Variants in GDI2 observed in about 807,000 individuals in gnomAD.
GDI2 encodes the protein rab GDP dissociation inhibitor beta.
In GDI2, 22 loss-of-function variants were observed where a neutral mutation model predicts 54.2. That is an observed-to-expected ratio of 0.41 (90% CI 0.29 to 0.58). The LOEUF (loss-of-function observed/expected upper bound fraction) is 0.58. GDI2 is among the 20% of genes least tolerant of loss of function. The pLI, the probability that GDI2 is intolerant of heterozygous loss-of-function variation, is 0.35. For synonymous variants in GDI2, 177 were observed against 182.1 expected, an observed-to-expected ratio of 0.97 and a Z score of 0.23; for missense variants, 422 against 546.0, an observed-to-expected ratio of 0.77 and a Z score of 2.26.
Position 5,774,838 on chromosome 10 carries a change from G to A in GDI2, c.720-897C>T, listed in dbSNP as rs531767996. Among the ~76,000 whole-genome samples the A allele has an allele frequency of 1.2e-4, 19 of 152,250 alleles. 1 individual carries two copies. In the South Asian group the frequency reaches 3.7e-3, roughly 30 times the overall value. On this transcript the variant is annotated intron_variant, in intron 6 of 10. Transcript: ENST00000380191. This position sits in a 1 kb window ranked among gnomAD's most constrained non-coding sequence, Gnocchi z 4.8. ...TCTAAAATGGCCTTGTGCAGTCGCG[G>A]GACTATCCACATCAGAGGCAAATCT...
At chr10:5,812,541 A>G (rs1288130731) in intron 1 of GDI2, among the ~76,000 whole-genome samples, 1 of 152,186 alleles carries the variant, frequency 6.6e-6, no homozygotes, top group African/African-American at 2.4e-5. Context: ...TTTGACGGAC[A>G]AGTTTTGAAA....
chr10:5,804,293 C>A (rs553933637), intron 1 of GDI2, among the ~76,000 whole-genome samples: 1 of 152,034 alleles, frequency 6.6e-6, no homozygotes, highest in Admixed American at 6.6e-5. Context: ...GGGGTTTCAC[C>A]GTGTTGGCCA....
chr10:5,794,800 G>A (rs1841110912), intron 4 of GDI2, 85 bp downstream of exon 4: 2 of 882,932 alleles, frequency 2.3e-6, no homozygotes, highest in Non-Finnish European at 3.7e-6. Context: ...TGTTGACTGG[G>A]TCCTCTCTAA....
chr10:5,783,267 T>C (rs1840802364), intron 6 of GDI2, among the ~76,000 whole-genome samples: 1 of 152,160 alleles, frequency 6.6e-6, no homozygotes, highest in African/African-American at 2.4e-5. Flanking sequence ...TAAGAATAGC[T>C]ACTTCTGCTC....
At chr10:5,781,635 A>C (rs1341496467) in intron 6 of GDI2, among the ~76,000 whole-genome samples, 1 of 151,900 alleles carries the variant, frequency 6.6e-6, no homozygotes, top group Non-Finnish European at 1.5e-5. Flanking sequence ...CAAAAAAAAA[A>C]AAAAAAAAGA....
Position 5,786,156 on chromosome 10 carries a change from C to A in GDI2, c.389-106G>T, listed in dbSNP as rs72772373. 8,872 of 598,638 alleles carry A rather than the reference C, an allele frequency of 0.015. 75 individuals are homozygous for A. Among genetic ancestry groups the A allele is most frequent in the Middle Eastern group, 0.037 (92 of 2,482 alleles). The allele number at this position is 598,638 out of a possible 1,614,324, so 37.1% of individuals were successfully genotyped here. On this transcript the variant is annotated intron_variant, in intron 4 of 10. Coordinates refer to ENST00000380191, the MANE Select transcript of GDI2 (RefSeq NM_001494.4). ...ATGCCTTGTTATCAACTGCGGAATG[C>A]AGGATGCAATTTTTTTTTTTTTTTT...
rs181581862 is a variant in GDI2 at position 5,773,085 on chromosome 10, T to C, written c.819+757A>G. Among the ~76,000 whole-genome samples, 61 of 152,262 alleles carry C rather than the reference T, an allele frequency of 4.0e-4. 1 individual carries two copies. The East Asian group carries it at 0.01, about 26-fold the overall frequency. ...TCCTGTATTTTCTCTCCCTTACTCA[T>C]TGTCCCCTTACACCACCTACCAAAC... On this transcript the variant is annotated intron_variant, in intron 7 of 10. Coordinates refer to ENST00000380191, the MANE Select transcript of GDI2 (RefSeq NM_001494.4).
chr10:5,790,147 G>A (rs1383449142), intron 4 of GDI2, among the ~76,000 whole-genome samples: 1 of 152,184 alleles, frequency 6.6e-6, no homozygotes, highest in Admixed American at 6.5e-5. Context: ...TGAATTCCTT[G>A]AAACGTACCA....
chr10:5,779,234 G>A (rs1029695652), intron 6 of GDI2, among the ~76,000 whole-genome samples: 3 of 152,064 alleles, frequency 2.0e-5, no homozygotes, highest in East Asian at 3.8e-4. Context: ...ACTATAGGCC[G>A]GGAACGGTGA....
At chr10:5,782,702 G>A (rs1386456723) in intron 6 of GDI2, among the ~76,000 whole-genome samples, 13 of 152,214 alleles carry the variant, frequency 8.5e-5, no homozygotes. Context: ...GGGAGGCCAA[G>A]GTGGGTGGAT....
intron 4 of GDI2, among the ~76,000 whole-genome samples, chr10:5,794,328 T>C (rs1452994278): frequency 6.7e-6 from 1 of 150,100 alleles, no homozygotes; most frequent in African/African-American, 2.5e-5. Flanking sequence ...CTTCTCCTGT[T>C]GGCACGTTGG....
At chr10:5,802,649 G>A (rs543014203) in intron 1 of GDI2, among the ~76,000 whole-genome samples, 11 of 151,526 alleles carry the variant, frequency 7.3e-5, no homozygotes, top group African/African-American at 1.5e-4. Flanking sequence ...ATGGGCACAC[G>A]TCAGGTTCCC....
chr10:5,774,660 T>A lies in GDI2; in HGVS notation c.720-719A>T, dbSNP rs1255569996. On this transcript the variant is annotated intron_variant, in intron 6 of 10. Coordinates refer to ENST00000380191, the MANE Select transcript of GDI2 (RefSeq NM_001494.4). This position sits in a 1 kb window ranked among gnomAD's most constrained non-coding sequence, Gnocchi z 4.8. Reference sequence around the variant, plus strand: ...TCCACACTGAGCAGACCTGAGACACTAATGGCCCTCCTGGACAGGAGGCTC... The same window carrying A: ...TCCACACTGAGCAGACCTGAGACACAAATGGCCCTCCTGGACAGGAGGCTC... Among the ~76,000 whole-genome samples, 1 of 152,086 alleles carries A rather than the reference T, an allele frequency of 6.6e-6. No individual in the cohort carries two copies. Among genetic ancestry groups the A allele is most frequent in the Non-Finnish European group, 1.5e-5 (1 of 68,022 alleles).
intron 4 of GDI2, among the ~76,000 whole-genome samples, chr10:5,789,175 A>G (rs2892078): frequency 0.34 from 50,830 of 151,612 alleles, 8,902 homozygotes; most frequent in Non-Finnish European, 0.38. Flanking sequence ...GCGCAACCAC[A>G]GCTCACTGCA....
rs1840625974 is a variant in GDI2, at chr10:5,776,553, T to TC, written c.720-2613dup. 6.4e-7 allele frequency: 1 copy of TC among 1,565,996 alleles called. No individual in the cohort carries two copies. Among genetic ancestry groups the TC allele is most frequent in the African/African-American group, 1.4e-5 (1 of 73,830 alleles). On this transcript the variant is annotated intron_variant, in intron 6 of 10. Coordinates refer to ENST00000380191, the MANE Select transcript of GDI2 (RefSeq NM_001494.4). The surrounding 1 kb of genome is among the most constrained non-coding windows in gnomAD (Gnocchi z 5.3). ...GCAGATTTGAAGAGGCATGTGGAAT[T>TC]CCTTGTGGCTGAGAATGAAAGATTA...
chr10:5,791,825 A>G (rs1234154191), intron 4 of GDI2, among the ~76,000 whole-genome samples: 1 of 151,914 alleles, frequency 6.6e-6, no homozygotes, highest in Non-Finnish European at 1.5e-5. Context: ...CTGAGGCAGG[A>G]GAATTGCTTC....
chr10:5,803,340 C>A (rs1841309814), intron 1 of GDI2, among the ~76,000 whole-genome samples: 1 of 152,064 alleles, frequency 6.6e-6, no homozygotes, highest in Admixed American at 6.6e-5. Flanking sequence ...GGGAGGATTA[C>A]TTGAACCCAT....
Position 5,776,521 on chromosome 10 carries a change from T to C in GDI2, c.720-2580A>G, listed in dbSNP as rs1035989438. ...AAAGGCCCGAAAGATAAAACAATTA[T>C]AGAGAAGCAGATTTGAAGAGGCATG... On this transcript the variant is annotated intron_variant, in intron 6 of 10. Transcript: ENST00000380191. The surrounding 1 kb of genome is among the most constrained non-coding windows in gnomAD (Gnocchi z 5.3). The C allele has an allele frequency of 4.1e-6, 6 of 1,466,840 alleles. No homozygotes were observed. The African/African-American group carries it at 5.6e-5, about 14-fold the overall frequency. 90.9% of individuals were successfully genotyped at this position (1,466,840 alleles called of 1,614,324 possible).
chr10:5,766,178 A>G lies in GDI2; in HGVS notation c.1192-26T>C. On this transcript the variant is annotated intron_variant, in intron 10 of 10. Transcript: ENST00000380191. The surrounding 1 kb of genome is among the most constrained non-coding windows in gnomAD (Gnocchi z 5.8). Reference sequence around the variant, plus strand: ...CTGAAAACAAAAATTACGAAGACTTAAGACCATGGAGGGATGTCTTCCAGT... The same window carrying G: ...CTGAAAACAAAAATTACGAAGACTTGAGACCATGGAGGGATGTCTTCCAGT... 6.2e-7 allele frequency: 1 copy of G among 1,612,656 alleles called. No individual in the cohort carries two copies. The highest frequency in any genetic ancestry group is 8.5e-7 in the Non-Finnish European group (1 of 1,178,588).
Sources: gnomAD v4.1 joint callset for allele counts (sites outside exome capture counted in the v4.1 genomes callset) on GRCh38, gnomAD v4.1.1 for gene constraint, Gnocchi (gnomAD v3.1) non-coding constraint, MANE v1.5 for transcripts, NCBI Gene and HGNC (gene_info 2026-07-23, HGNC 2026-07-21) for gene names.